The following MCC variants were observed in gnomAD, a reference collection of about 807,000 sequenced individuals.
MCC encodes the protein MCC regulator of Wnt signaling pathway, also known as colorectal mutant cancer protein.
In MCC, 90 loss-of-function variants were observed where a neutral mutation model predicts 116.2. The observed-to-expected ratio is 0.77, with a 90% CI of 0.65 to 0.92. MCC has a LOEUF of 0.92. Ranked by LOEUF, MCC falls within the 40% of genes least tolerant of loss-of-function variation. The pLI is 0.00. For synonymous variants in MCC, 578 were observed against 510.5 expected (o/e 1.13, Z -1.78); for missense variants, 1,516 against 1,312.2 (o/e 1.16, Z -2.40).
At chr5:113,063,840 G>C (rs761748008) in intron 14 of MCC, 144 bp downstream of exon 14, 1 of 785,654 alleles carries the variant, frequency 1.3e-6, no homozygotes, top group Non-Finnish European at 1.9e-6. Context: ...CTCCTTTTTG[G>C]ATGGAGCAGG....
intron 18 of MCC, 150 bp from the exon 19 acceptor site, chr5:113,027,632 A>G (rs537258797): frequency 1.1e-5 from 8 of 760,592 alleles, no homozygotes; most frequent in African/African-American, 3.5e-5. Context: ...TCTAGTGGTC[A>G]GAGGAGGGAC....
chr5:113,050,879 G>A (rs1179016642), intron 15 of MCC, among the ~76,000 whole-genome samples: 1 of 152,226 alleles, frequency 6.6e-6, no homozygotes, highest in African/African-American at 2.4e-5. Context: ...CCAGGGCCGT[G>A]GCCTCTGAGG....
chr5:113,194,709 G>GA (rs1337323595), intron 3 of MCC, among the ~76,000 whole-genome samples: 4 of 152,106 alleles, frequency 2.6e-5, no homozygotes, highest in African/African-American at 9.7e-5. Flanking sequence ...AAGGGAAAGG[G>GA]AAAGGGGAAG....
chr5:113,372,072 G>T (rs887347000), intron 2 of MCC, among the ~76,000 whole-genome samples: 9 of 152,116 alleles, frequency 5.9e-5, no homozygotes, highest in South Asian at 2.1e-4. Flanking sequence ...AAATCATGCC[G>T]GAGAGAGAAA....
intron 1 of MCC, among the ~76,000 whole-genome samples, chr5:113,428,477 A>T: frequency 6.6e-6 from 1 of 152,164 alleles, no homozygotes. Context: ...GAGACACCCC[A>T]TATCCAATGA....
chr5:113,294,285 A>G (rs1286721586), intron 3 of MCC: 40 of 1,612,844 alleles, frequency 2.5e-5, no homozygotes, highest in Non-Finnish European at 2.9e-5. Flanking sequence ...GTGGAAAAGC[A>G]AACGCCCGAG....
At chr5:113,259,842 A>G (rs886109137) in intron 3 of MCC, among the ~76,000 whole-genome samples, 1 of 152,174 alleles carries the variant, frequency 6.6e-6, no homozygotes, top group African/African-American at 2.4e-5. Flanking sequence ...AATTTTCATC[A>G]TAACAAAAAT....
chr5:113,143,507 C>T, intron 4 of MCC, 147 bp from the exon 5 acceptor site: 1 of 812,716 alleles, frequency 1.2e-6, no homozygotes, highest in Non-Finnish European at 1.9e-6. Flanking sequence ...GGCTGGCAAT[C>T]CCAGGAAACA....
chr5:113,433,299 G>T, intron 1 of MCC: 1 of 239,204 alleles, frequency 4.2e-6, no homozygotes, highest in Non-Finnish European at 8.5e-6. Context: ...CTGGTCCCCT[G>T]ACCCTCAGTC....
chr5:113,094,490 G>A (rs544515922), intron 8 of MCC, among the ~76,000 whole-genome samples: 9 of 149,650 alleles, frequency 6.0e-5, no homozygotes, highest in East Asian at 2.0e-4. Context: ...GCGCGATCAC[G>A]GCTTGCTGCA....
At chr5:113,228,558 G>A (rs1207998705) in intron 3 of MCC, among the ~76,000 whole-genome samples, 2 of 152,126 alleles carry the variant, frequency 1.3e-5, no homozygotes, top group African/African-American at 2.4e-5. Context: ...ATCTGGGGCA[G>A]CAAAAACAAG....
At chr5:113,328,133 A>C (rs1219577948) in intron 3 of MCC, among the ~76,000 whole-genome samples, 1 of 152,140 alleles carries the variant, frequency 6.6e-6, no homozygotes, top group East Asian at 1.9e-4. Flanking sequence ...CCCTGAGAGA[A>C]ATAAATGACA....
intron 17 of MCC, among the ~76,000 whole-genome samples, chr5:113,034,495 G>C (rs972671906): frequency 2.0e-5 from 3 of 152,204 alleles, no homozygotes; most frequent in Non-Finnish European, 2.9e-5. Context: ...AGGAGTCATC[G>C]GGCGAGAGCC....
chr5:113,043,656 T>G (rs1206310486), intron 16 of MCC, 26 bp from the exon 17 acceptor site: 2 of 1,552,668 alleles, frequency 1.3e-6, no homozygotes, highest in East Asian at 2.3e-5. Context: ...ACATTCCAGT[T>G]AGGCCTGAAT....
chr5:113,100,893 C>G (rs1756365413), intron 8 of MCC, among the ~76,000 whole-genome samples: 1 of 152,146 alleles, frequency 6.6e-6, no homozygotes, highest in Admixed American at 6.5e-5. Context: ...TCTAGTAATT[C>G]AAAGTGAAGT....
chr5:113,478,308 G>A (rs1024467900), intron 1 of MCC, among the ~76,000 whole-genome samples: 2 of 152,212 alleles, frequency 1.3e-5, no homozygotes, highest in Admixed American at 1.3e-4. Flanking sequence ...AGAAGTAGGA[G>A]TCTGTTATAA....
Position 113,097,711 on chromosome 5 carries a change from G to A in MCC, c.1398+4028C>T, listed in dbSNP as rs530135499. 2.0e-5 allele frequency among the ~76,000 whole-genome samples: 3 copies of A among 152,258 alleles called. No individual in the cohort carries two copies. In the South Asian group the frequency reaches 6.2e-4, roughly 32 times the overall value. On this transcript the variant is annotated intron_variant, in intron 8 of 18. Transcript: ENST00000408903. ...ATGTCTCTTTATTTAACCTCTGTAA[G>A]ATCACAACACTTACACTTCCAGGCT... is the stretch of plus-strand genomic sequence containing the variant.
intron 3 of MCC, among the ~76,000 whole-genome samples, chr5:113,327,562 ATATATAT>A (rs1208691188): frequency 4.0e-5 from 3 of 75,336 alleles, no homozygotes; most frequent in Admixed American, 1.4e-4. Flanking sequence ...AAAAAAAAAA[ATATATAT>A]ATATATATAT....
At chr5:113,148,346 A>T (rs1205021733) in intron 4 of MCC, among the ~76,000 whole-genome samples, 1 of 148,740 alleles carries the variant, frequency 6.7e-6, no homozygotes, top group Non-Finnish European at 1.5e-5. Flanking sequence ...TCTTCCCTTC[A>T]TATCACTATT....
Sources: gnomAD v4.1 joint callset for allele counts (sites outside exome capture counted in the v4.1 genomes callset) on GRCh38, gnomAD v4.1.1 for gene constraint, MANE v1.5 for transcripts, NCBI Gene and HGNC (gene_info 2026-07-23, HGNC 2026-07-21) for gene names.